Variants in C8orf89 observed in about 807,000 individuals in gnomAD.
C8orf89 encodes the protein putative uncharacterized protein C8orf89.
In C8orf89, 14 loss-of-function variants were observed where a neutral mutation model predicts 15.8. The ratio of observed to expected loss-of-function variants is 0.89; its 90% CI spans 0.59 to 1.39. The LOEUF is 1.39. C8orf89 is among the 40% of genes most tolerant of loss of function. The pLI, the probability that C8orf89 is intolerant of heterozygous loss-of-function variation, is 0.00. For missense variants in C8orf89, 181 were observed against 184.5 expected, an observed-to-expected ratio of 0.98 and a Z score of 0.11; for synonymous variants, 55 against 62.2, an observed-to-expected ratio of 0.88 and a Z score of 0.54.
At chr8:73,266,328 A>G in the C8orf89 span, among the ~76,000 whole-genome samples, 5 of 152,342 alleles carry the variant, frequency 3.3e-5, no homozygotes, top group East Asian at 7.7e-4. Context: ...GGAGCAATCT[A>G]TGAAGCCCTT....
chr8:73,244,526 G>A (rs1813078780), intron 3 of C8orf89, among the ~76,000 whole-genome samples: 1 of 152,052 alleles, frequency 6.6e-6, no homozygotes, highest in African/African-American at 2.4e-5. Context: ...AAACATATAT[G>A]CAGCCTTGAA....
At chr8:73,246,580 T>C (rs1436691515) in intron 3 of C8orf89, among the ~76,000 whole-genome samples, 2 of 152,238 alleles carry the variant, frequency 1.3e-5, no homozygotes, top group African/African-American at 2.4e-5. Context: ...AGTCTCATCA[T>C]GTTGGCCAGG....
At chr8:73,243,442 A>G (rs748968350) in intron 3 of C8orf89, among the ~76,000 whole-genome samples, 24 of 152,104 alleles carry the variant, frequency 1.6e-4, no homozygotes, top group Admixed American at 1.3e-3. Flanking sequence ...TACACCTACT[A>G]TGTACCCAGA....
At chr8:73,251,962 G>A (rs1420703378) in intron 2 of C8orf89, among the ~76,000 whole-genome samples, 1 of 152,164 alleles carries the variant, frequency 6.6e-6, no homozygotes, top group African/African-American at 2.4e-5. Flanking sequence ...CGATGTAACT[G>A]ACTGTCCTTA....
the C8orf89 span, among the ~76,000 whole-genome samples, chr8:73,273,586 A>G: frequency 2.0e-5 from 3 of 152,132 alleles, no homozygotes; most frequent in Non-Finnish European, 2.9e-5. Flanking sequence ...CCTGGGCGCC[A>G]TGGGCACCAT....
upstream of C8orf89, among the ~76,000 whole-genome samples, chr8:73,261,466 A>T (rs2130296845): frequency 6.6e-6 from 1 of 151,760 alleles, no homozygotes; most frequent in Admixed American, 6.6e-5. Context: ...GGAGAAGGGG[A>T]GGGAAGAGAG....
Position 73,241,589 on chromosome 8 carries a change from A to T in C8orf89, c.354T>A (p.Asp118Glu). The T allele has an allele frequency of 6.6e-7, 1 of 1,520,202 alleles. No individual in the cohort carries two copies. Among genetic ancestry groups the T allele is most frequent in the Non-Finnish European group, 8.8e-7 (1 of 1,138,076 alleles). 94.2% of individuals were successfully genotyped at this position (1,520,202 alleles called of 1,614,324 possible). ...ATTGAGATGGTGCTCCAGTGAGAGG[A>T]TCACTGAAGCCAGAACCTGGAGGAG... ...WEKSKGSGFS[D>E]PLTGAPSQYL... Residue 118 changes from aspartate to glutamate, a missense_variant, in exon 4 of 4, where the codon GAT becomes GAA. Physicochemically the swap from Asp to Glu is conservative, Grantham distance 45 (BLOSUM62 2). Coordinates refer to ENST00000624510, the MANE Select transcript of C8orf89 (RefSeq NM_001243237.3).
the C8orf89 span, among the ~76,000 whole-genome samples, chr8:73,267,519 TAACCAA>T: frequency 6.6e-6 from 1 of 152,298 alleles, no homozygotes; most frequent in South Asian, 2.1e-4. Context: ...TATCAGGAAA[TAACCAA>T]GCATTTATTC....
the C8orf89 span, among the ~76,000 whole-genome samples, chr8:73,281,412 TAAAG>T: frequency 2.3e-4 from 35 of 152,246 alleles, no homozygotes; most frequent in Middle Eastern, 6.8e-3. Flanking sequence ...CAAGTGAACA[TAAAG>T]AAAGATGAGT....
At chr8:73,247,366 A>G (rs1361633245) in intron 3 of C8orf89, among the ~76,000 whole-genome samples, 1 of 152,214 alleles carries the variant, frequency 6.6e-6, no homozygotes, top group Admixed American at 6.5e-5. Flanking sequence ...GGTTGAGTCC[A>G]TGTCTTTGCT....
At chr8:73,253,794 CTT>C (rs1008691983) in intron 2 of C8orf89, among the ~76,000 whole-genome samples, 2 of 149,630 alleles carry the variant, frequency 1.3e-5, no homozygotes, top group Admixed American at 1.3e-4. Context: ...TATCCTGAGA[CTT>C]TGCTGAAGTT....
At chr8:73,262,861 T>C (rs1258772689), upstream of C8orf89, among the ~76,000 whole-genome samples, 3 of 152,004 alleles carry the variant, frequency 2.0e-5, no homozygotes, top group Non-Finnish European at 1.5e-5. Context: ...GAGCCATATC[T>C]GCAAGAATAT....
chr8:73,262,758 A>C (rs1239423767), upstream of C8orf89, among the ~76,000 whole-genome samples: 1 of 151,802 alleles, frequency 6.6e-6, no homozygotes, highest in Admixed American at 6.6e-5. Context: ...TCTAGGCTGC[A>C]GTGAGCCATG....
upstream of C8orf89, among the ~76,000 whole-genome samples, chr8:73,262,982 C>T (rs1813556990): frequency 1.3e-5 from 2 of 152,002 alleles, no homozygotes; most frequent in Non-Finnish European, 2.9e-5. Flanking sequence ...ATTAAGGATA[C>T]TTTACAGAAC....
At chr8:73,243,970 C>T (rs917414680) in intron 3 of C8orf89, among the ~76,000 whole-genome samples, 7 of 152,008 alleles carry the variant, frequency 4.6e-5, no homozygotes, top group African/African-American at 1.7e-4. Flanking sequence ...TTTGCACCAA[C>T]TTAATCTGAT....
intron 3 of C8orf89, among the ~76,000 whole-genome samples, chr8:73,246,553 A>G (rs1399713792): frequency 6.6e-6 from 1 of 152,100 alleles, no homozygotes; most frequent in Non-Finnish European, 1.5e-5. Context: ...TAATTTTTGT[A>G]TTTTTAGTAG....
At chr8:73,285,775 G>C in the C8orf89 span, among the ~76,000 whole-genome samples, 1 of 152,218 alleles carries the variant, frequency 6.6e-6, no homozygotes, top group African/African-American at 2.4e-5. Flanking sequence ...GCCCAGTCCA[G>C]CCTTGTCGCA....
chr8:73,277,531 A>G, the C8orf89 span: 1 of 767,314 alleles, frequency 1.3e-6, no homozygotes, highest in East Asian at 2.4e-5. Context: ...TTCTCCTTCC[A>G]GGTTTCCAGA....
intron 1 of C8orf89, among the ~76,000 whole-genome samples, chr8:73,258,306 C>G (rs2910015): frequency 0.34 from 51,582 of 150,350 alleles, 12,151 homozygotes; most frequent in African/African-American, 0.68. Context: ...AGCTACTCAG[C>G]AGGCTGAGGC....
Sources: allele counts gnomAD v4.1 joint callset (sites outside exome capture counted in the v4.1 genomes callset), GRCh38; gene constraint gnomAD v4.1.1; transcripts MANE v1.5; gene names NCBI Gene and HGNC (gene_info 2026-07-23, HGNC 2026-07-21).